Variants in ART4 observed in about 807,000 individuals in gnomAD.
ART4 encodes the protein ADP-ribosyltransferase 4 (inactive) (Dombrock blood group).
Under a neutral mutation model 24.2 loss-of-function variants are expected in ART4, and 14 were observed. That is an observed-to-expected ratio of 0.58 (90% CI 0.38 to 0.90). The LOEUF (loss-of-function observed/expected upper bound fraction) is 0.90. Among genes scored for constraint, ART4 ranks in the 40% least tolerant of loss-of-function variants. The pLI is 0.00. For synonymous variants in ART4, 145 were observed against 139.9 expected, an observed-to-expected ratio of 1.04 and a Z score of -0.26; for missense variants, 356 against 366.6, an observed-to-expected ratio of 0.97 and a Z score of 0.24.
intron 1 of ART4, 66 bp downstream of exon 1, chr12:14,842,904 T>C (rs1476857972): frequency 6.6e-7 from 1 of 1,521,292 alleles, no homozygotes; most frequent in Non-Finnish European, 8.9e-7. Flanking sequence ...TTAAAGGCTG[T>C]GGCCGGGTGA....
At position 14,840,828 on chromosome 12, in the gene ART4, T is replaced by C. The variant is rs150107956; in HGVS notation, c.470A>G (p.Lys157Arg). ...PQQYERSFHF[K>R]YLHYYLTSAI... is the part of the protein sequence containing the mutation. ...TGAGGTGAGGTAGTAGTGTAAATAT[T>C]TGAAGTGGAATGAACGTTCATACTG... Residue 157 changes from lysine (K) to arginine (R), a missense_variant, in exon 2 of 3, where the codon AAA (lysine) becomes AGA (arginine). Physicochemically the swap from Lys to Arg is conservative, Grantham distance 26. Transcript: ENST00000228936. 250 of 1,614,204 alleles carry C rather than the reference T, an allele frequency of 1.5e-4. 1 individual carries two copies. The African/African-American group carries it at 2.9e-3, about 19-fold the overall frequency.
chr12:14,841,292 C>T, intron 1 of ART4, 139 bp from the exon 2 acceptor site: 1 of 747,218 alleles, frequency 1.3e-6, no homozygotes, highest in East Asian at 2.7e-5. Flanking sequence ...AAAATCATTA[C>T]ACTGTTCCAA....
chr12:14,828,955 A>G lies in ART4; in HGVS notation c.*416T>C, dbSNP rs1479612403. The G allele has an allele frequency of 6.5e-6, 1 of 153,156 alleles. No homozygotes were observed. Among genetic ancestry groups the G allele is most frequent in the Non-Finnish European group, 1.5e-5 (1 of 68,804 alleles). The allele number at this position is 153,156 out of a possible 1,614,324, so 9.5% of individuals were successfully genotyped here. A position where few individuals can be genotyped will look rare whatever the true frequency, so the allele number is the denominator to read the frequency against. On this transcript the variant is annotated 3_prime_UTR_variant, in exon 3 of 3. Coordinates refer to ENST00000228936, the MANE Select transcript of ART4 (RefSeq NM_021071.4). ...ATATCCATTCAGAAAAGAAGCTCCC[A>G]TTCTATTTCCAATTGCAATTCCACA...
intron 2 of ART4, among the ~76,000 whole-genome samples, chr12:14,838,125 T>C (rs1405335468): frequency 6.6e-6 from 1 of 152,314 alleles, no homozygotes. Flanking sequence ...AACCGAACTG[T>C]CAGAATTTAG....
intron 2 of ART4, among the ~76,000 whole-genome samples, chr12:14,832,448 C>T (rs1044450440): frequency 1.3e-5 from 2 of 152,282 alleles, no homozygotes; most frequent in South Asian, 4.1e-4. Context: ...TTAATATTGC[C>T]ACTCCTTCCC....
At position 14,843,400 on chromosome 12, in the gene ART4, CTCTGATCTAG is replaced by C; in HGVS notation, c.-297_-288del. On this transcript the variant is annotated 5_prime_UTR_variant, in exon 1 of 3. Coordinates refer to ENST00000228936, the MANE Select transcript of ART4 (RefSeq NM_021071.4). Reference sequence around the variant, plus strand: ...TACTTTTCAATTAAAAAAATAAAATCTCTGATCTAGTCTGTATTCAGGGGAATGCCGAAGT... The same window carrying C: ...TACTTTTCAATTAAAAAAATAAAATCTCTGTATTCAGGGGAATGCCGAAGT... 1 of 305,888 alleles carries C rather than the reference CTCTGATCTAG, an allele frequency of 3.3e-6. No homozygotes were observed. The highest frequency in any genetic ancestry group is 3.5e-5 in the South Asian group (1 of 28,668). The allele number at this position is 305,888 out of a possible 1,614,324, so 18.9% of individuals were successfully genotyped here.
Position 14,835,515 on chromosome 12 carries a change from TC to T in ART4, c.853+4929del, listed in dbSNP as rs1387240435. ...ATCACTTTAAGGACCTTTCTGATGTTCCTTCGCTTACTGATTGAGAGAAAAA... is the reference window on the plus strand; with the variant it reads ...ATCACTTTAAGGACCTTTCTGATGTTCTTCGCTTACTGATTGAGAGAAAAA... On this transcript the variant is annotated intron_variant, in intron 2 of 2. Coordinates refer to ENST00000228936, the MANE Select transcript of ART4 (RefSeq NM_021071.4). 2.0e-5 allele frequency among the ~76,000 whole-genome samples: 3 copies of T among 152,338 alleles called. No individual in the cohort carries two copies. In the East Asian group the frequency reaches 5.8e-4, roughly 29 times the overall value.
intron 2 of ART4, among the ~76,000 whole-genome samples, chr12:14,830,649 G>GTGTATATGTATATATA (rs1184732964): frequency 1.2e-4 from 3 of 25,922 alleles, no homozygotes; most frequent in African/African-American, 3.5e-4. Context: ...CTGTATGTAT[G>GTGTATATGTATATATA]TATATATATA....
rs559794393 is a variant in ART4 at position 14,826,454 on chromosome 12, G to A, written c.*2917C>T. On this transcript the variant is annotated 3_prime_UTR_variant, in exon 3 of 3. Coordinates refer to ENST00000228936, the MANE Select transcript of ART4 (RefSeq NM_021071.4). ...ATCATCTAGAGGACTTATTAAAACA[G>A]ACTGTTCAATTTCTGTAGTCTGTAG... 1.3e-5 allele frequency: 2 copies of A among 152,308 alleles called. No homozygotes were observed. The highest frequency in any genetic ancestry group is 4.1e-4 in the South Asian group (2 of 4,824). 9.4% of individuals were successfully genotyped at this position (152,308 alleles called of 1,614,324 possible). A position where few individuals can be genotyped will look rare whatever the true frequency, so the allele number is the denominator to read the frequency against.
intron 2 of ART4, among the ~76,000 whole-genome samples, chr12:14,837,500 T>C (rs1278624141): frequency 1.3e-5 from 2 of 152,122 alleles, no homozygotes; most frequent in African/African-American, 2.4e-5. Flanking sequence ...CTATAGAATA[T>C]ATAAATAATT....
Position 14,842,173 on chromosome 12 carries a change from A to G in ART4, c.144+797T>C, listed in dbSNP as rs562866108. Among the ~76,000 whole-genome samples, 9 of 152,360 alleles carry G rather than the reference A, an allele frequency of 5.9e-5. No individual in the cohort carries two copies. In the East Asian group the frequency reaches 1.7e-3, roughly 29 times the overall value. ...TCATCAGACTATCATTTAGAGCCAT[A>G]TATAAATTATATAAATTCTAAAACA... On this transcript the variant is annotated intron_variant, in intron 1 of 2. Transcript: ENST00000228936.
rs1049982266 is a variant in ART4 at position 14,843,431 on chromosome 12, G to T, written c.-318C>A. ...TCTAGTCTGTATTCAGGGGAATGCC[G>T]AAGTCCTGTTAAGTGTCAGACTCAG... is the stretch of plus-strand genomic sequence containing the variant. On this transcript the variant is annotated 5_prime_UTR_variant, in exon 1 of 3. Transcript: ENST00000228936. 1 of 212,380 alleles carries T rather than the reference G, an allele frequency of 4.7e-6. No individual in the cohort carries two copies. Among genetic ancestry groups the T allele is most frequent in the African/African-American group, 2.3e-5 (1 of 43,094 alleles). 13.2% of individuals were successfully genotyped at this position (212,380 alleles called of 1,614,324 possible).
chr12:14,836,187 G>A (rs1431399664), intron 2 of ART4, among the ~76,000 whole-genome samples: 2 of 152,082 alleles, frequency 1.3e-5, no homozygotes, highest in Non-Finnish European at 1.5e-5. Context: ...TTTTACAGTA[G>A]ATCTTAGCAA....
Position 14,843,148 on chromosome 12 carries a change from G to C in ART4, c.-35C>G. 1 of 1,611,644 alleles carries C rather than the reference G, an allele frequency of 6.2e-7. No homozygotes were observed. Among genetic ancestry groups the C allele is most frequent in the Non-Finnish European group, 8.5e-7 (1 of 1,178,504 alleles). On this transcript the variant is annotated 5_prime_UTR_variant, in exon 1 of 3. Coordinates refer to ENST00000228936, the MANE Select transcript of ART4 (RefSeq NM_021071.4). ...TCACAAGTACTTCTCCTTTGCCCTT[G>C]CAGCTTCATCCTGAGATGAATTCTC...
chr12:14,836,571 A>G (rs529497180), intron 2 of ART4, among the ~76,000 whole-genome samples: 2 of 152,322 alleles, frequency 1.3e-5, no homozygotes, highest in South Asian at 2.1e-4. Context: ...AAGCAAAACC[A>G]TAGGTAAGGG....
chr12:14,830,541 G>A (rs779177306), intron 2 of ART4, among the ~76,000 whole-genome samples: 30,680 of 79,488 alleles, frequency 0.39, 4,239 homozygotes, highest in Admixed American at 0.5. Context: ...ATAGGAGTGT[G>A]TGTGTGTGTG....
rs1410065122 is a variant in ART4 at position 14,843,367 on chromosome 12, A to G, written c.-254T>C. The G allele has an allele frequency of 2.7e-6, 1 of 365,572 alleles. No homozygotes were observed. The highest frequency in any genetic ancestry group is 5.1e-6 in the Non-Finnish European group (1 of 197,520). The allele number at this position is 365,572 out of a possible 1,614,324, so 22.6% of individuals were successfully genotyped here. A position where few individuals can be genotyped will look rare whatever the true frequency, so the allele number is the denominator to read the frequency against. On this transcript the variant is annotated 5_prime_UTR_variant, in exon 1 of 3. Coordinates refer to ENST00000228936, the MANE Select transcript of ART4 (RefSeq NM_021071.4). ...CACCAAATAAGGGTTTCTAAAGAGA[A>G]CCCAAGTTACTTTTCAATTAAAAAA...
chr12:14,837,373 G>T (rs1029589596), intron 2 of ART4, among the ~76,000 whole-genome samples: 5 of 152,122 alleles, frequency 3.3e-5, no homozygotes, highest in African/African-American at 1.2e-4. Flanking sequence ...GGCTCAGATT[G>T]CTTAGAGGTA....
At chr12:14,831,335 T>C (rs1186710360) in intron 2 of ART4, among the ~76,000 whole-genome samples, 2 of 151,040 alleles carry the variant, frequency 1.3e-5, no homozygotes, top group African/African-American at 4.9e-5. Context: ...AGCAGTGTGA[T>C]CTCTGCTCAC....
Sources: allele counts gnomAD v4.1 joint callset (sites outside exome capture counted in the v4.1 genomes callset), GRCh38; gene constraint gnomAD v4.1.1; transcripts MANE v1.5; gene names NCBI Gene and HGNC (gene_info 2026-07-23, HGNC 2026-07-21).